Variants in FBXO16 observed in about 807,000 individuals in gnomAD.
FBXO16 encodes F-box only protein 16.
Under a neutral mutation model 41.0 loss-of-function variants are expected in FBXO16, and 31 were observed. That is an observed-to-expected ratio of 0.76 (90% CI 0.57 to 1.02). FBXO16 has a LOEUF of 1.02. Among genes scored for constraint, FBXO16 ranks in the 50% least tolerant of loss-of-function variants. The pLI, the probability that FBXO16 is intolerant of heterozygous loss-of-function variation, is 0.00. For synonymous variants in FBXO16, 133 were observed against 117.8 expected (o/e 1.13, Z -0.84); for missense variants, 361 against 346.2 (o/e 1.04, Z -0.34).
intron 4 of FBXO16, among the ~76,000 whole-genome samples, chr8:28,463,304 T>G (rs549574358): frequency 7.8e-4 from 117 of 150,386 alleles, no homozygotes; most frequent in African/African-American, 2.6e-3. Flanking sequence ...TTGTGTGTGT[T>G]TGTGTGTGTG....
At position 28,428,637 on chromosome 8, in the gene FBXO16, T is replaced by G; in HGVS notation, c.*90A>C. On this transcript the variant is annotated 3_prime_UTR_variant, in exon 9 of 9. Coordinates refer to ENST00000380254, the MANE Select transcript of FBXO16 (RefSeq NM_172366.4). ...TGCCTGTGAGGATGCTGCATGAGAA[T>G]TTCAGCTGTGGTGGCAGTGTCTGGG... The G allele has an allele frequency of 6.4e-7, 1 of 1,554,814 alleles. No homozygotes were observed. The highest frequency in any genetic ancestry group is 1.2e-5 in the South Asian group (1 of 84,218).
rs547829066 is a variant in FBXO16 at position 28,471,539 on chromosome 8, G to T, written c.135+2233C>A. On this transcript the variant is annotated intron_variant, in intron 3 of 8. Transcript: ENST00000380254. ...AAATCTAAAAATTAAAATGGAGACA[G>T]AAATGTAAATAAAGATAAATTATAA... is the stretch of plus-strand genomic sequence containing the variant. Among the ~76,000 whole-genome samples the T allele has an allele frequency of 5.2e-4, 79 of 152,090 alleles. 1 individual carries two copies. Among genetic ancestry groups the T allele is most frequent in the South Asian group, 4.1e-3 (20 of 4,822 alleles).
intron 2 of FBXO16, among the ~76,000 whole-genome samples, chr8:28,481,451 G>A (rs1027720882): frequency 7.2e-5 from 11 of 152,232 alleles, no homozygotes; most frequent in South Asian, 2.1e-4. Flanking sequence ...GCAAGGGAGC[G>A]TTGGTAGACA....
intron 5 of FBXO16, among the ~76,000 whole-genome samples, chr8:28,453,222 A>T (rs1802984723): frequency 6.7e-6 from 1 of 149,402 alleles, no homozygotes; most frequent in African/African-American, 2.6e-5. Context: ...TTGGAGGGCC[A>T]GAATTTGAAT....
intron 3 of FBXO16, 82 bp from the exon 4 acceptor site, chr8:28,463,900 T>C (rs1803189218): frequency 7.7e-7 from 1 of 1,300,850 alleles, no homozygotes; most frequent in African/African-American, 1.5e-5. Flanking sequence ...GACATGACAA[T>C]GGCATAGAAA....
At chr8:28,464,809 G>T (rs1025819545) in intron 3 of FBXO16, among the ~76,000 whole-genome samples, 4 of 151,944 alleles carry the variant, frequency 2.6e-5, no homozygotes, top group Non-Finnish European at 5.9e-5. Context: ...ACGCGCCACC[G>T]CACCTGGCTA....
intron 4 of FBXO16, among the ~76,000 whole-genome samples, chr8:28,461,759 A>G (rs1251015832): frequency 6.6e-6 from 1 of 152,214 alleles, no homozygotes; most frequent in African/African-American, 2.4e-5. Flanking sequence ...AAATGAAGAA[A>G]GCAAGATTTT....
intron 4 of FBXO16, among the ~76,000 whole-genome samples, chr8:28,461,089 T>C (rs2130149290): frequency 6.6e-6 from 1 of 151,984 alleles, no homozygotes; most frequent in East Asian, 1.9e-4. Context: ...TCTGCTTTTT[T>C]TTTTTTTTTT....
At chr8:28,451,380 G>GTTTTTTT (rs67171132) in intron 6 of FBXO16, among the ~76,000 whole-genome samples, 11 of 138,722 alleles carry the variant, frequency 7.9e-5, no homozygotes, top group African/African-American at 2.6e-4. Flanking sequence ...CTTTGTTGTT[G>GTTTTTTT]TTTTTTTTTT....
chr8:28,485,531 A>C (rs1803588892), intron 1 of FBXO16, among the ~76,000 whole-genome samples: 2 of 152,184 alleles, frequency 1.3e-5, no homozygotes, highest in African/African-American at 4.8e-5. Flanking sequence ...CCCAAACACT[A>C]TCTGAGATCT....
At chr8:28,458,544 C>CT (rs34617439) in intron 4 of FBXO16, among the ~76,000 whole-genome samples, 5,725 of 87,340 alleles carry the variant, frequency 0.066, 292 homozygotes, top group Non-Finnish European at 0.082. Context: ...TCTTCTTCTT[C>CT]TTTTTTTTTT....
intron 7 of FBXO16, among the ~76,000 whole-genome samples, chr8:28,431,674 G>A (rs1802607817): frequency 6.6e-6 from 1 of 152,128 alleles, no homozygotes; most frequent in Non-Finnish European, 1.5e-5. Context: ...GTTTCACATG[G>A]TTTAACTTCT....
At chr8:28,460,172 G>A (rs895882689) in intron 4 of FBXO16, among the ~76,000 whole-genome samples, 1 of 144,764 alleles carries the variant, frequency 6.9e-6, no homozygotes, top group Admixed American at 7.2e-5. Flanking sequence ...ACCAGTTTCT[G>A]GTATATAATT....
chr8:28,429,474 G>A, intron 7 of FBXO16, 71 bp from the exon 8 acceptor site: 1 of 1,574,442 alleles, frequency 6.4e-7, no homozygotes, highest in Non-Finnish European at 8.7e-7. Flanking sequence ...TGAGCTTGAA[G>A]GGAGAGAGAG....
chr8:28,452,449 C>T lies in FBXO16; in HGVS notation c.535G>A (p.Ala179Thr), dbSNP rs375993733. 6.2e-6 allele frequency: 10 copies of T among 1,613,934 alleles called. No homozygotes were observed. The African/African-American group carries it at 6.7e-5, about 11-fold the overall frequency. Residue 179 changes from alanine to threonine, a missense_variant, in exon 6 of 9, where the codon GCT becomes ACT. Ala to Thr is a moderately conservative substitution (Grantham distance 58). Transcript: ENST00000380254. ...TTGCTTGTAACTAGTTGAACGTCAG[C>T]GATTACAAATCCATCCTTTGGGGGT... ...KTPPKDGFVI[A>T]DVQLVTSNSP... is the part of the protein sequence containing the mutation.
At chr8:28,446,894 C>T (rs1162534673) in intron 7 of FBXO16, 3 of 231,516 alleles carry the variant, frequency 1.3e-5, no homozygotes, top group African/African-American at 6.9e-5. Flanking sequence ...CAAAAAAACT[C>T]CCCTTATATC....
chr8:28,452,244 C>T lies in FBXO16; in HGVS notation c.740G>A (p.Gly247Glu), dbSNP rs1802965650. 6.2e-7 allele frequency: 1 copy of T among 1,612,638 alleles called. No individual in the cohort carries two copies. The highest frequency in any genetic ancestry group is 2.2e-5 in the East Asian group (1 of 44,868). ...TTGAGAAGAGCATGGAGCTTCTTACCCTTGCTGGACAGTCTCCATGGGGTC... is the reference window on the plus strand; with the variant it reads ...TTGAGAAGAGCATGGAGCTTCTTACTCTTGCTGGACAGTCTCCATGGGGTC... Reference protein sequence around the residue: ...NRDPMETVQQGRRKRNQMTPD... With the variant: ...NRDPMETVQQERRKRNQMTPD... Residue 247 changes from glycine (G) to glutamate (E), a missense_variant and splice_region_variant, in exon 6 of 9, where the codon GGA becomes GAA. Gly to Glu is a moderately conservative substitution (Grantham distance 98). Coordinates refer to ENST00000380254, the MANE Select transcript of FBXO16 (RefSeq NM_172366.4).
chr8:28,442,761 T>C (rs1395216426), intron 7 of FBXO16, among the ~76,000 whole-genome samples: 2 of 152,174 alleles, frequency 1.3e-5, no homozygotes, highest in Non-Finnish European at 2.9e-5. Context: ...GGGTCCGCTT[T>C]AGAATCAAAA....
intron 4 of FBXO16, among the ~76,000 whole-genome samples, 158 bp downstream of exon 4, chr8:28,463,448 TTATGAG>T (rs1803178150): frequency 6.6e-6 from 1 of 151,444 alleles, no homozygotes; most frequent in Non-Finnish European, 1.5e-5. Context: ...ATGTGTGTGT[TTATGAG>T]TATATGTGTG....
Sources: gnomAD v4.1 joint callset for allele counts (sites outside exome capture counted in the v4.1 genomes callset) on GRCh38, gnomAD v4.1.1 for gene constraint, MANE v1.5 for transcripts, NCBI Gene and HGNC (gene_info 2026-07-23, HGNC 2026-07-21) for gene names.